Variants in SYT9 observed in about 807,000 individuals in gnomAD.
SYT9 encodes synaptotagmin-9.
In SYT9, 22 loss-of-function variants were observed where a neutral mutation model predicts 48.4. The ratio of observed to expected loss-of-function variants is 0.45; its 90% CI spans 0.32 to 0.65. The LOEUF is 0.65. Among genes scored for constraint, SYT9 ranks in the 30% least tolerant of loss-of-function variants. The pLI, the probability that SYT9 is intolerant of heterozygous loss-of-function variation, is 0.03. For synonymous variants in SYT9, 265 were observed against 245.0 expected (o/e 1.08, Z -0.76); for missense variants, 577 against 622.0 (o/e 0.93, Z 0.77).
chr11:7,332,974 C>T (rs956987555), intron 3 of SYT9, among the ~76,000 whole-genome samples: 1 of 152,204 alleles, frequency 6.6e-6, no homozygotes, highest in Non-Finnish European at 1.5e-5. Context: ...GATCCAGTTT[C>T]CTGACAGAAA....
At chr11:7,331,701 G>C (rs1849535714) in intron 3 of SYT9, among the ~76,000 whole-genome samples, 1 of 152,092 alleles carries the variant, frequency 6.6e-6, no homozygotes, top group Non-Finnish European at 1.5e-5. Flanking sequence ...CTCCAGCCTG[G>C]GGGACAGAGT....
At chr11:7,430,817 A>C (rs1847555437) in intron 6 of SYT9, among the ~76,000 whole-genome samples, 1 of 152,170 alleles carries the variant, frequency 6.6e-6, no homozygotes, top group South Asian at 2.1e-4. Context: ...CTGAGGCCCC[A>C]CCAGAAACCA....
chr11:7,458,445 C>A (rs1284322545), intron 6 of SYT9, among the ~76,000 whole-genome samples: 1 of 152,104 alleles, frequency 6.6e-6, no homozygotes, highest in Non-Finnish European at 1.5e-5. Flanking sequence ...CATGCTACTG[C>A]ACTCCAGCCT....
chr11:7,383,400 C>T (rs1013334363), intron 3 of SYT9, among the ~76,000 whole-genome samples: 5 of 152,184 alleles, frequency 3.3e-5, no homozygotes, highest in African/African-American at 1.2e-4. Flanking sequence ...CCCGGTGGCT[C>T]ACTGGACATT....
intron 1 of SYT9, among the ~76,000 whole-genome samples, chr11:7,298,867 G>A (rs1848861666): frequency 6.6e-6 from 1 of 152,054 alleles, no homozygotes; most frequent in Non-Finnish European, 1.5e-5. Context: ...ATCTTCCCTG[G>A]GAAGAATACA....
intron 3 of SYT9, among the ~76,000 whole-genome samples, chr11:7,359,768 T>C (rs1156511696): frequency 7.1e-6 from 1 of 141,484 alleles, no homozygotes. Context: ...GTCAGATGAG[T>C]AGGTTGCGAA....
intron 3 of SYT9, among the ~76,000 whole-genome samples, chr11:7,400,259 C>T (rs1846861403): frequency 6.6e-6 from 1 of 152,130 alleles, no homozygotes. Flanking sequence ...GTTATACAGG[C>T]CTGACACAAC....
chr11:7,375,653 T>C (rs1850439414), intron 3 of SYT9, among the ~76,000 whole-genome samples: 1 of 152,208 alleles, frequency 6.6e-6, no homozygotes, highest in South Asian at 2.1e-4. Context: ...GTTGGATTCC[T>C]AGGTATTTTG....
At chr11:7,463,622 T>C (rs1172162712) in intron 6 of SYT9, among the ~76,000 whole-genome samples, 1 of 152,186 alleles carries the variant, frequency 6.6e-6, no homozygotes, top group Non-Finnish European at 1.5e-5. Context: ...ATATTGCTGG[T>C]AGCAATGACC....
At position 7,392,904 on chromosome 11, in the gene SYT9, C is replaced by T. The variant is rs184509778; in HGVS notation, c.1045-23138C>T. On this transcript the variant is annotated intron_variant, in intron 3 of 6. Coordinates refer to ENST00000318881, the MANE Select transcript of SYT9 (RefSeq NM_175733.4). ...TTATTGATTCCATGCTCAGCTTGAA[C>T]ATTATTGTTGTACAGAAATGCTACT... Among the ~76,000 whole-genome samples, 66 of 152,144 alleles carry T rather than the reference C, an allele frequency of 4.3e-4. 1 individual carries two copies. In the Middle Eastern group the frequency reaches 0.017, roughly 39 times the overall value.
chr11:7,403,887 ATGTGTC>A (rs1476216316), intron 3 of SYT9, among the ~76,000 whole-genome samples: 1 of 152,108 alleles, frequency 6.6e-6, no homozygotes, highest in African/African-American at 2.4e-5. Context: ...ATAATTAGGG[ATGTGTC>A]TGTATATTTA....
At chr11:7,301,665 A>G (rs1221122624) in intron 1 of SYT9, among the ~76,000 whole-genome samples, 1 of 152,254 alleles carries the variant, frequency 6.6e-6, no homozygotes, top group Non-Finnish European at 1.5e-5. Flanking sequence ...AGCTTAGCGT[A>G]GCACTTGGCA....
chr11:7,452,582 A>G (rs572005731), intron 6 of SYT9, among the ~76,000 whole-genome samples: 1 of 152,274 alleles, frequency 6.6e-6, no homozygotes, highest in East Asian at 1.9e-4. Context: ...ACAGCTCTGA[A>G]CGTCCCCTTC....
At chr11:7,294,611 G>A (rs1334478519) in intron 1 of SYT9, among the ~76,000 whole-genome samples, 2 of 152,108 alleles carry the variant, frequency 1.3e-5, no homozygotes, top group African/African-American at 4.8e-5. Flanking sequence ...AAAGTATAAG[G>A]CAAACTCCAT....
intron 3 of SYT9, among the ~76,000 whole-genome samples, chr11:7,337,931 G>GA (rs1214761258): frequency 3.3e-5 from 5 of 152,180 alleles, no homozygotes; most frequent in Non-Finnish European, 7.4e-5. Context: ...GCTTCAGTAG[G>GA]AATTGCACCA....
At chr11:7,274,664 A>G (rs1241688093) in intron 1 of SYT9, among the ~76,000 whole-genome samples, 2 of 152,102 alleles carry the variant, frequency 1.3e-5, no homozygotes, top group African/African-American at 4.8e-5. Context: ...GTTTCTTCCT[A>G]TACAGCTGGG....
At chr11:7,272,061 C>A (rs1226620533) in intron 1 of SYT9, among the ~76,000 whole-genome samples, 3 of 152,154 alleles carry the variant, frequency 2.0e-5, no homozygotes, top group Non-Finnish European at 4.4e-5. Flanking sequence ...ATATCCTGGG[C>A]AGTCCATGTA....
chr11:7,453,954 C>T (rs1362978139), intron 6 of SYT9: 1 of 981,344 alleles, frequency 1.0e-6, no homozygotes, highest in East Asian at 1.1e-4. Flanking sequence ...GCCTTAAGCC[C>T]AGTCTCCTTC....
intron 3 of SYT9, among the ~76,000 whole-genome samples, chr11:7,364,459 G>A (rs1850204151): frequency 6.6e-6 from 1 of 152,092 alleles, no homozygotes; most frequent in South Asian, 2.1e-4. Context: ...ATCCAATAAT[G>A]TGATTATTTT....
Sources: gnomAD v4.1 joint callset for allele counts (sites outside exome capture counted in the v4.1 genomes callset) on GRCh38, gnomAD v4.1.1 for gene constraint, MANE v1.5 for transcripts, NCBI Gene and HGNC (gene_info 2026-07-23, HGNC 2026-07-21) for gene names.